The following HSPBP1 variants were observed in gnomAD, a reference collection of about 807,000 sequenced individuals.
HSPBP1 encodes HSPA (Hsp70) binding protein 1.
Under a neutral mutation model 41.7 loss-of-function variants are expected in HSPBP1, and 31 were observed. The ratio of observed to expected loss-of-function variants is 0.74; its 90% CI spans 0.56 to 1.00. The LOEUF (loss-of-function observed/expected upper bound fraction) is 1.00. Among genes scored for constraint, HSPBP1 ranks in the 50% least tolerant of loss-of-function variants. The pLI, the probability that HSPBP1 is intolerant of heterozygous loss-of-function variation, is 0.00. For synonymous variants in HSPBP1, 199 were observed against 214.4 expected (o/e 0.93, Z 0.63); for missense variants, 439 against 487.9 (o/e 0.90, Z 0.94).
intron 4 of HSPBP1, among the ~76,000 whole-genome samples, chr19:55,271,903 A>C (rs1020364942): frequency 1.3e-5 from 2 of 152,176 alleles, no homozygotes; most frequent in African/African-American, 4.8e-5. Flanking sequence ...TACTAAAAGT[A>C]CAAAAAAAAT....
intron 4 of HSPBP1, among the ~76,000 whole-genome samples, chr19:55,273,741 G>A (rs1342973033): frequency 6.6e-6 from 1 of 152,108 alleles, no homozygotes; most frequent in East Asian, 1.9e-4. Flanking sequence ...CCTGTCAAAT[G>A]AGGATGCAAA....
intron 5 of HSPBP1, 49 bp from the exon 6 acceptor site, chr19:55,266,031 A>T: frequency 6.4e-7 from 1 of 1,563,144 alleles, no homozygotes. Flanking sequence ...CCCATCTCCT[A>T]TGCCCTCCCC....
intron 7 of HSPBP1, among the ~76,000 whole-genome samples, chr19:55,264,161 G>T (rs2087714756): frequency 6.6e-6 from 1 of 152,032 alleles, no homozygotes; most frequent in South Asian, 2.1e-4. Context: ...TAGAGATGGG[G>T]TTTTACCATG....
At chr19:55,274,345 G>GCCCCCCCCCCCCCCCCCCCCCCC in intron 4 of HSPBP1, 53 bp downstream of exon 4, 33 of 552,654 alleles carry the variant, frequency 6.0e-5, no homozygotes, top group Non-Finnish European at 7.4e-5. Context: ...GGCCCACCCG[G>GCCCCCCCCCCCCCCCCCCCCCCC]CACCCCCCCC....
chr19:55,278,812 G>A (rs764785528), intron 2 of HSPBP1, among the ~76,000 whole-genome samples: 2 of 151,948 alleles, frequency 1.3e-5, no homozygotes, highest in Admixed American at 6.6e-5. Context: ...TACTGGGGAC[G>A]CTGAGGCATG....
chr19:55,279,361 G>C (rs1307308063), intron 2 of HSPBP1, 38 bp downstream of exon 2: 5 of 1,544,462 alleles, frequency 3.2e-6, no homozygotes, highest in Admixed American at 2.2e-5. Flanking sequence ...TCTGTCCCCA[G>C]GCCCCTCACC....
At chr19:55,265,461 C>T in intron 6 of HSPBP1, 72 bp from the exon 7 acceptor site, 1 of 1,163,430 alleles carries the variant, frequency 8.6e-7, no homozygotes, top group Non-Finnish European at 1.3e-6. Context: ...TATCGCCCGC[C>T]CCGTCCCCTG....
chr19:55,266,688 G>C (rs1320180453), intron 4 of HSPBP1, among the ~76,000 whole-genome samples: 1 of 151,668 alleles, frequency 6.6e-6, no homozygotes, highest in African/African-American at 2.4e-5. Context: ...ATCATCCCTT[G>C]CCATGGGCCT....
chr19:55,273,436 A>G (rs1413233139), intron 4 of HSPBP1, among the ~76,000 whole-genome samples: 1 of 152,188 alleles, frequency 6.6e-6, no homozygotes, highest in African/African-American at 2.4e-5. Flanking sequence ...ACATACGAAG[A>G]GCTCCACCAG....
intron 6 of HSPBP1, 39 bp downstream of exon 6, chr19:55,265,847 C>A: frequency 1.3e-6 from 2 of 1,488,390 alleles, no homozygotes; most frequent in South Asian, 1.3e-5. Context: ...AGGACGGGGC[C>A]CCCACCCCAG....
At chr19:55,265,824 C>T (rs746849212) in intron 6 of HSPBP1, 62 bp downstream of exon 6, 1 of 1,127,976 alleles carries the variant, frequency 8.9e-7, no homozygotes, top group Non-Finnish European at 1.3e-6. Flanking sequence ...TCCTGAGCCA[C>T]CCCCACCTTG....
In HSPBP1 at chr19:55,268,939, G is replaced by T. The variant is rs1362966910; in HGVS notation, c.641-2653C>A. ...ACCTGTCTCGGCCTCCCAAAATGTTGAGATTATAGGCATGAGTCACCACGC... is the reference window on the plus strand; with the variant it reads ...ACCTGTCTCGGCCTCCCAAAATGTTTAGATTATAGGCATGAGTCACCACGC... On this transcript the variant is annotated intron_variant, in intron 4 of 7. Transcript: ENST00000433386. This position sits in a 1 kb window ranked among gnomAD's most constrained non-coding sequence, Gnocchi z 4.5. 6.6e-6 allele frequency among the ~76,000 whole-genome samples: 1 copy of T among 152,082 alleles called. No homozygotes were observed. Among genetic ancestry groups the T allele is most frequent in the Non-Finnish European group, 1.5e-5 (1 of 68,020 alleles).
Position 55,272,949 on chromosome 19 carries a change from G to C in HSPBP1, c.640+1449C>G, listed in dbSNP as rs2122856263. ...ATCACATCTAAAATTAGAGAGTGAT[G>C]ATGGCTGCACAGCACTGAATACACT... On this transcript the variant is annotated intron_variant, in intron 4 of 7. Transcript: ENST00000433386. This position sits in a 1 kb window ranked among gnomAD's most constrained non-coding sequence, Gnocchi z 4.2. Among the ~76,000 whole-genome samples, 1 of 152,280 alleles carries C rather than the reference G, an allele frequency of 6.6e-6. No individual in the cohort carries two copies. The highest frequency in any genetic ancestry group is 2.4e-5 in the African/African-American group (1 of 41,558).
intron 7 of HSPBP1, among the ~76,000 whole-genome samples, chr19:55,263,687 C>T (rs993464915): frequency 6.6e-6 from 1 of 152,200 alleles, no homozygotes; most frequent in African/African-American, 2.4e-5. Context: ...ACAGCCATCA[C>T]AGCACGGCAG....
intron 4 of HSPBP1, 53 bp downstream of exon 4, chr19:55,274,345 G>GGCCCCCCCCCCCCCCCCCCC: frequency 3.6e-6 from 2 of 552,676 alleles, no homozygotes; most frequent in Non-Finnish European, 3.1e-6. Context: ...GGCCCACCCG[G>GGCCCCCCCCCCCCCCCCCCC]CACCCCCCCC....
chr19:55,272,487 G>A lies in HSPBP1; in HGVS notation c.640+1911C>T, dbSNP rs559092878. Among the ~76,000 whole-genome samples the A allele has an allele frequency of 1.1e-4, 17 of 152,298 alleles. No individual in the cohort carries two copies. The Middle Eastern group carries it at 0.01, about 91-fold the overall frequency. ...TGTTGCAGGGGCTGCGGGAGAGGAC[G>A]GACGCCGAGTGATTGCTTAACGGGT... is the stretch of plus-strand genomic sequence containing the variant. On this transcript the variant is annotated intron_variant, in intron 4 of 7. Transcript: ENST00000433386. The surrounding 1 kb of genome is among the most constrained non-coding windows in gnomAD (Gnocchi z 4.2).
chr19:55,275,784 C>T (rs568328207), intron 3 of HSPBP1, among the ~76,000 whole-genome samples: 1 of 151,038 alleles, frequency 6.6e-6, no homozygotes, highest in Non-Finnish European at 1.5e-5. Flanking sequence ...CTCATCTCTA[C>T]TAAAAATACA....
chr19:55,265,233 C>CCCTTGCACCTGGTCCT (rs2087743405), intron 7 of HSPBP1, 45 bp downstream of exon 7: 1 of 1,288,760 alleles, frequency 7.8e-7, no homozygotes, highest in Non-Finnish European at 1.1e-6. Flanking sequence ...TGTCCCCTCC[C>CCCTTGCACCTGGTCCT]CCTTGCACCT....
chr19:55,266,052 T>C, intron 5 of HSPBP1, 70 bp from the exon 6 acceptor site: 2 of 1,560,476 alleles, frequency 1.3e-6, no homozygotes, highest in Middle Eastern at 2.0e-4. Flanking sequence ...GGGATGCCTG[T>C]TCCTCCCCTT....
Sources: allele counts gnomAD v4.1 joint callset (sites outside exome capture counted in the v4.1 genomes callset), GRCh38; gene constraint gnomAD v4.1.1; non-coding constraint Gnocchi (gnomAD v3.1); transcripts MANE v1.5; gene names NCBI Gene and HGNC (gene_info 2026-07-23, HGNC 2026-07-21).